The following KLF12 variants were observed in gnomAD, a reference collection of about 807,000 sequenced individuals.
The protein encoded by KLF12 is Krueppel-like factor 12.
KLF12 carries 9 observed loss-of-function variants against 37.8 expected under a neutral mutation model. The observed-to-expected ratio is 0.24, with a 90% CI of 0.14 to 0.42. The LOEUF (loss-of-function observed/expected upper bound fraction) is 0.42. Ranked by LOEUF, KLF12 falls within the 10% of genes least tolerant of loss-of-function variation. KLF12 has a pLI of 1.00. For missense variants in KLF12, 411 were observed against 516.0 expected (o/e 0.80, Z 1.97); for synonymous variants, 208 against 202.1 (o/e 1.03, Z -0.25).
At chr13:74,286,339 G>A in the KLF12 span, among the ~76,000 whole-genome samples, 108,095 of 152,046 alleles carry the variant, frequency 0.71, 39,623 homozygotes, top group South Asian at 0.88. Flanking sequence ...AAATAACACA[G>A]GATGGATGGA....
the KLF12 span, among the ~76,000 whole-genome samples, chr13:74,255,383 T>C: frequency 6.6e-6 from 1 of 152,224 alleles, no homozygotes; most frequent in Non-Finnish European, 1.5e-5. Flanking sequence ...TTGTTTTTGA[T>C]GTATACTCAT....
intron 1 of KLF12, among the ~76,000 whole-genome samples, chr13:74,020,148 C>T (rs1892804555): frequency 6.6e-6 from 1 of 152,202 alleles, no homozygotes; most frequent in Admixed American, 6.5e-5. Context: ...ATATATACTT[C>T]AAAAAGCAAT....
At chr13:73,899,042 A>C (rs550939291) in intron 3 of KLF12, among the ~76,000 whole-genome samples, 2 of 152,320 alleles carry the variant, frequency 1.3e-5, no homozygotes, top group African/African-American at 4.8e-5. Flanking sequence ...AGATGGGGTA[A>C]ACAAAAGTCA....
intron 3 of KLF12, among the ~76,000 whole-genome samples, chr13:73,905,453 G>A (rs976647765): frequency 2.0e-5 from 3 of 151,860 alleles, no homozygotes; most frequent in Non-Finnish European, 4.4e-5. Context: ...ACAATTCAGA[G>A]TGAACCCAAC....
chr13:74,244,702 C>T, the KLF12 span, among the ~76,000 whole-genome samples: 1 of 152,152 alleles, frequency 6.6e-6, no homozygotes, highest in African/African-American at 2.4e-5. Context: ...TTTATAGTAT[C>T]CCTTCATATT....
chr13:73,944,275 A>C (rs1422620766), intron 2 of KLF12, among the ~76,000 whole-genome samples: 2 of 152,200 alleles, frequency 1.3e-5, no homozygotes, highest in Non-Finnish European at 2.9e-5. Flanking sequence ...CAGTTGAATT[A>C]AGCAGTCTGA....
chr13:74,196,830 C>G, the KLF12 span, among the ~76,000 whole-genome samples: 4 of 152,032 alleles, frequency 2.6e-5, no homozygotes, highest in African/African-American at 9.7e-5. Context: ...TTAAAAGATA[C>G]TGTAGGATAT....
At chr13:73,745,591 C>A (rs1402276970) in intron 6 of KLF12, among the ~76,000 whole-genome samples, 1 of 152,078 alleles carries the variant, frequency 6.6e-6, no homozygotes, top group Non-Finnish European at 1.5e-5. Context: ...TACTGTTTTT[C>A]ACACACCAGG....
At chr13:73,715,999 C>A (rs1264307907) in intron 6 of KLF12, among the ~76,000 whole-genome samples, 1 of 152,164 alleles carries the variant, frequency 6.6e-6, no homozygotes, top group African/African-American at 2.4e-5. Context: ...TCACAAGGTA[C>A]ATTTCTAAAC....
chr13:74,126,816 G>T (rs1877968043), intron 1 of KLF12, among the ~76,000 whole-genome samples: 1 of 152,152 alleles, frequency 6.6e-6, no homozygotes, highest in South Asian at 2.1e-4. Context: ...GAGGTGACAC[G>T]TATAGTATTC....
At chr13:74,221,966 T>G in the KLF12 span, among the ~76,000 whole-genome samples, 1 of 152,230 alleles carries the variant, frequency 6.6e-6, no homozygotes, top group Non-Finnish European at 1.5e-5. Flanking sequence ...CTTTGCTCAA[T>G]GAACTCTGCT....
At chr13:74,065,273 T>G (rs561024514) in intron 1 of KLF12, among the ~76,000 whole-genome samples, 1 of 151,472 alleles carries the variant, frequency 6.6e-6, no homozygotes, top group Non-Finnish European at 1.5e-5. Context: ...CTAATTCATA[T>G]GCACATACAT....
chr13:73,784,630 CCTT>C (rs1403516128), intron 5 of KLF12, among the ~76,000 whole-genome samples: 74 of 147,808 alleles, frequency 5.0e-4, no homozygotes, highest in South Asian at 1.9e-3. Context: ...TTCCTCATCT[CCTT>C]TTTTTTTTTT....
intron 7 of KLF12, among the ~76,000 whole-genome samples, chr13:73,711,658 G>C (rs774839435): frequency 2.6e-5 from 4 of 152,324 alleles, no homozygotes; most frequent in Admixed American, 6.5e-5. Context: ...CACTGACAAT[G>C]CACCTGGTCA....
At chr13:73,723,967 G>A (rs11841442) in intron 6 of KLF12, among the ~76,000 whole-genome samples, 1 of 152,094 alleles carries the variant, frequency 6.6e-6, no homozygotes, top group South Asian at 2.1e-4. Context: ...TCAACCATCG[G>A]GGAAGACAGT....
At position 74,017,736 on chromosome 13, in the gene KLF12, A is replaced by G. The variant is rs922979276; in HGVS notation, c.-31-22683T>C. ...ACATCTATACATGTATATGTATAAT[A>G]ATATTTATACATATATCTAAAGCAA... On this transcript the variant is annotated intron_variant, in intron 1 of 7. Transcript: ENST00000377669. Among the ~76,000 whole-genome samples the G allele has an allele frequency of 3.9e-5, 6 of 152,242 alleles. No individual in the cohort carries two copies. The South Asian group carries it at 6.2e-4, about 16-fold the overall frequency.
chr13:73,722,415 A>T (rs1201131868), intron 6 of KLF12, among the ~76,000 whole-genome samples: 1 of 152,014 alleles, frequency 6.6e-6, no homozygotes, highest in African/African-American at 2.4e-5. Flanking sequence ...ACTACAACAG[A>T]CTCTAGTGCC....
rs145721003 is a variant in KLF12 at position 74,014,042 on chromosome 13, G to C, written c.-31-18989C>G. 2.1e-3 allele frequency among the ~76,000 whole-genome samples: 314 copies of C among 152,280 alleles called. 2 individuals carry two copies. Among genetic ancestry groups the C allele is most frequent in the African/African-American group, 7.2e-3 (301 of 41,566 alleles). On this transcript the variant is annotated intron_variant, in intron 1 of 7. Transcript: ENST00000377669. ...TTTCTATTTCTGAGGAAGAGTTTGAGAAATAGGCTATTGAGCATAACTTGC... is the reference window on the plus strand; with the variant it reads ...TTTCTATTTCTGAGGAAGAGTTTGACAAATAGGCTATTGAGCATAACTTGC...
At chr13:74,291,056 TA>T in the KLF12 span, among the ~76,000 whole-genome samples, 1 of 152,188 alleles carries the variant, frequency 6.6e-6, no homozygotes, top group Admixed American at 6.5e-5. Flanking sequence ...AGAGCTTTCT[TA>T]AAAAGAACTA....
Sources: allele counts gnomAD v4.1 joint callset (sites outside exome capture counted in the v4.1 genomes callset), GRCh38; gene constraint gnomAD v4.1.1; transcripts MANE v1.5; gene names NCBI Gene and HGNC (gene_info 2026-07-23, HGNC 2026-07-21).